Variants in TEX2 observed in about 807,000 individuals in gnomAD.
The protein encoded by TEX2 is testis expressed 2.
A neutral mutation model predicts 106.9 loss-of-function variants in TEX2; 53 were observed. The observed-to-expected ratio is 0.50, with a 90% CI of 0.40 to 0.62. The LOEUF (loss-of-function observed/expected upper bound fraction) is 0.62. TEX2 is among the 20% of genes least tolerant of loss of function. The probability of loss-of-function intolerance (pLI) is 0.00; values close to 1 mark genes in which losing one functional copy is unlikely to be tolerated. For missense variants in TEX2, 1,207 were observed against 1,379.0 expected (o/e 0.88, Z 1.98); for synonymous variants, 523 against 534.8 (o/e 0.98, Z 0.30).
At chr17:64,236,179 T>A (rs1378410049) in intron 1 of TEX2, among the ~76,000 whole-genome samples, 1 of 150,502 alleles carries the variant, frequency 6.6e-6, no homozygotes, top group African/African-American at 2.4e-5. Context: ...AAAATACAAC[T>A]AAAAAAAAAT....
chr17:64,212,445 G>A, intron 2 of TEX2, 129 bp downstream of exon 2: 1 of 792,200 alleles, frequency 1.3e-6, no homozygotes, highest in Non-Finnish European at 2.1e-6. Context: ...AGAATGAAGT[G>A]GCCCCAAGCT....
chr17:64,188,512 AC>A, intron 4 of TEX2, 97 bp from the exon 5 acceptor site: 1 of 1,559,392 alleles, frequency 6.4e-7, no homozygotes. Flanking sequence ...CTATCAAATG[AC>A]TGTTTAAAAA....
At position 64,227,166 on chromosome 17, in the gene TEX2, C is replaced by T. The variant is rs139141163; in HGVS notation, c.-25-12924G>A. 1.9e-3 allele frequency among the ~76,000 whole-genome samples: 286 copies of T among 148,212 alleles called. 1 individual carries two copies. The highest frequency in any genetic ancestry group is 6.7e-3 in the African/African-American group (272 of 40,328). Reference sequence around the variant, plus strand: ...ACTTGAACCCTGGAGGCGGAGGTTACAGTGAGCTGAGATCCTGCCACTGCA... The same window carrying T: ...ACTTGAACCCTGGAGGCGGAGGTTATAGTGAGCTGAGATCCTGCCACTGCA... On this transcript the variant is annotated intron_variant, in intron 1 of 11. Coordinates refer to ENST00000584379, the MANE Select transcript of TEX2 (RefSeq NM_001288732.2).
At chr17:64,193,508 T>C in intron 4 of TEX2, 51 bp downstream of exon 4, 1 of 1,353,530 alleles carries the variant, frequency 7.4e-7, no homozygotes. Context: ...TTCTCTATTC[T>C]CCCTAGTGGC....
Position 64,154,953 on chromosome 17 carries a change from G to T in TEX2, c.2819C>A (p.Ala940Glu). 6.3e-7 allele frequency: 1 copy of T among 1,592,832 alleles called. No homozygotes were observed. ...CTCATCGCTGTCCGCCAGACAGAAT[G>T]CCCGGGGCCTGCAACTGGACAGAGA... ...EIGKEGCRPRAFCLADSDEES... is the reference protein window; with the variant it reads ...EIGKEGCRPREFCLADSDEES... The change falls in exon 9 of 12, where the codon GCA becomes GAA. Residue 940 changes from alanine (A) to glutamate (E), a missense_variant. Ala to Glu is a moderately radical substitution (Grantham distance 107). Coordinates refer to ENST00000584379, the MANE Select transcript of TEX2 (RefSeq NM_001288732.2).
chr17:64,241,764 C>T (rs1555635808), intron 1 of TEX2, among the ~76,000 whole-genome samples: 1 of 152,136 alleles, frequency 6.6e-6, no homozygotes, highest in African/African-American at 2.4e-5. Flanking sequence ...TTCTGAGTAG[C>T]TAGGACTACA....
intron 5 of TEX2, among the ~76,000 whole-genome samples, chr17:64,187,302 T>C (rs1408771314): frequency 1.3e-5 from 2 of 152,156 alleles, no homozygotes; most frequent in East Asian, 3.9e-4. Flanking sequence ...TACAATGGTT[T>C]TGGAGGAATG....
Position 64,153,254 on chromosome 17 carries a change from G to A in TEX2, c.2931-100C>T, listed in dbSNP as rs141836077. Reference sequence around the variant, plus strand: ...TTCCCCTTACTTTAGAGCACCACTCGATGTTTTGGATGTGGTGATTCTGTG... The same window carrying A: ...TTCCCCTTACTTTAGAGCACCACTCAATGTTTTGGATGTGGTGATTCTGTG... On this transcript the variant is annotated intron_variant, in intron 9 of 11. Coordinates refer to ENST00000584379, the MANE Select transcript of TEX2 (RefSeq NM_001288732.2). The surrounding 1 kb of genome is among the most constrained non-coding windows in gnomAD (Gnocchi z 4.1). 472 of 778,750 alleles carry A rather than the reference G, an allele frequency of 6.1e-4. 4 individuals carry two copies. In the East Asian group the frequency reaches 0.012, roughly 19 times the overall value. 48.2% of individuals were successfully genotyped at this position (778,750 alleles called of 1,614,324 possible).
chr17:64,262,175 G>GCA (rs2034299056), intron 1 of TEX2, among the ~76,000 whole-genome samples: 1 of 152,168 alleles, frequency 6.6e-6, no homozygotes, highest in Non-Finnish European at 1.5e-5. Context: ...CGTGAACGTG[G>GCA]CACGAGCCCT....
intron 1 of TEX2, among the ~76,000 whole-genome samples, chr17:64,237,020 G>A (rs1188459016): frequency 2.0e-5 from 3 of 152,146 alleles, no homozygotes; most frequent in Non-Finnish European, 4.4e-5. Flanking sequence ...GGTGAGGAGC[G>A]AGACAATCAC....
At chr17:64,257,039 T>A (rs192156235) in intron 1 of TEX2, among the ~76,000 whole-genome samples, 51 of 152,326 alleles carry the variant, frequency 3.3e-4, no homozygotes, top group South Asian at 1.0e-3. Flanking sequence ...TAGGTTTTAA[T>A]CTCAGATCCT....
chr17:64,233,566 C>G (rs1485939794), intron 1 of TEX2, among the ~76,000 whole-genome samples: 1 of 152,062 alleles, frequency 6.6e-6, no homozygotes, highest in Non-Finnish European at 1.5e-5. Context: ...GAGTGAGACT[C>G]CATCTCAAAA....
At chr17:64,169,730 A>G (rs910023982) in intron 7 of TEX2, among the ~76,000 whole-genome samples, 13 of 152,248 alleles carry the variant, frequency 8.5e-5, no homozygotes, top group African/African-American at 2.4e-4. Flanking sequence ...CAATTCAAGA[A>G]CCATCTGATA....
intron 7 of TEX2, among the ~76,000 whole-genome samples, chr17:64,169,883 T>C (rs533919686): frequency 1.1e-4 from 16 of 152,328 alleles, no homozygotes; most frequent in African/African-American, 3.6e-4. Flanking sequence ...GTAAATATGG[T>C]TGAAGTGGAA....
rs1470671790 is a variant in TEX2, at chr17:64,166,227, G to A, written c.2671+4873C>T. ...AGCAGCTAACACTGATGCTTACTAC[G>A]TGCCACGTGCTCCGAGTGCTTTACA... is the stretch of plus-strand genomic sequence containing the variant. On this transcript the variant is annotated intron_variant, in intron 7 of 11. Transcript: ENST00000584379. Among the ~76,000 whole-genome samples the A allele has an allele frequency of 3.3e-5, 5 of 152,202 alleles. No individual in the cohort carries two copies. In the South Asian group the frequency reaches 8.3e-4, roughly 25 times the overall value.
At chr17:64,224,917 G>A (rs782417573) in intron 1 of TEX2, among the ~76,000 whole-genome samples, 14 of 151,790 alleles carry the variant, frequency 9.2e-5, no homozygotes, top group Non-Finnish European at 2.1e-4. Flanking sequence ...CAAGGCCTGT[G>A]GAGGTTTATA....
intron 1 of TEX2, among the ~76,000 whole-genome samples, chr17:64,237,177 T>C (rs2033788196): frequency 6.6e-6 from 1 of 151,966 alleles, no homozygotes; most frequent in African/African-American, 2.4e-5. Flanking sequence ...TGAGTCGAGC[T>C]GGCTAAGTGA....
In TEX2 at chr17:64,188,187, C is replaced by T. The variant is rs2032148678; in HGVS notation, c.2405G>A (p.Ser802Asn). 1.2e-6 allele frequency: 2 copies of T among 1,609,494 alleles called. No homozygotes were observed. The highest frequency in any genetic ancestry group is 2.7e-5 in the African/African-American group (2 of 74,892). The part of the protein sequence containing the change: ...QRSPLQSAES[S>N]PTAGKKLPEV... ...CTTTACCTTCTTCCCAGCTGTGGGG[C>T]TGCTCTCCGCACTCTGCAGGGGGCT... Residue 802 changes from serine to asparagine, a missense_variant, in exon 5 of 12, where the codon AGC (serine) becomes AAC (asparagine). This residue lies in a region of TEX2 where 1,067 missense variants were observed against 1,193.6 expected (regional missense o/e 0.89). Transcript: ENST00000584379.
At chr17:64,171,880 C>A (rs2031417250) in intron 6 of TEX2, among the ~76,000 whole-genome samples, 1 of 151,238 alleles carries the variant, frequency 6.6e-6, no homozygotes, top group South Asian at 2.1e-4. Context: ...CTCGGAGAGG[C>A]TGAGGTGGGA....
Sources: allele counts gnomAD v4.1 joint callset (sites outside exome capture counted in the v4.1 genomes callset), GRCh38; gene constraint gnomAD v4.1.1; regional missense constraint gnomAD v4.1.1; non-coding constraint Gnocchi (gnomAD v3.1); transcripts MANE v1.5; gene names NCBI Gene and HGNC (gene_info 2026-07-23, HGNC 2026-07-21).